Variants in PLCB4 observed in about 807,000 individuals in gnomAD.
PLCB4 encodes 1-phosphatidylinositol 4,5-bisphosphate phosphodiesterase beta-4.
PLCB4 carries 77 observed loss-of-function variants against 178.8 expected under a neutral mutation model. The observed-to-expected ratio is 0.43, with a 90% CI of 0.36 to 0.52. The LOEUF is 0.52. Among genes scored for constraint, PLCB4 ranks in the 20% least tolerant of loss-of-function variants. The pLI is 0.00. For synonymous variants in PLCB4, 496 were observed against 490.8 expected, an observed-to-expected ratio of 1.01 and a Z score of -0.14; for missense variants, 1,024 against 1,453.4, an observed-to-expected ratio of 0.70 and a Z score of 4.80.
chr20:9,177,306 A>G (rs2093171105), intron 2 of PLCB4, among the ~76,000 whole-genome samples: 1 of 152,168 alleles, frequency 6.6e-6, no homozygotes, highest in Admixed American at 6.5e-5. Flanking sequence ...GTGGGAATAA[A>G]CGATGTGGTT....
intron 2 of PLCB4, among the ~76,000 whole-genome samples, chr20:9,209,434 A>T (rs1366197331): frequency 2.6e-5 from 4 of 151,636 alleles, no homozygotes; most frequent in Admixed American, 2.6e-4. Context: ...GACTGTGACT[A>T]TGACGGGATG....
At chr20:9,259,603 G>A (rs1314882195) in intron 3 of PLCB4, among the ~76,000 whole-genome samples, 1 of 151,426 alleles carries the variant, frequency 6.6e-6, no homozygotes, top group Non-Finnish European at 1.5e-5. Context: ...GAGAGAAGGA[G>A]GGAATGGCAT....
intron 2 of PLCB4, among the ~76,000 whole-genome samples, chr20:9,191,172 A>G (rs1422157841): frequency 1.3e-5 from 2 of 152,100 alleles, no homozygotes; most frequent in Non-Finnish European, 2.9e-5. Context: ...TACAGTAGTA[A>G]AATAAATTAC....
chr20:9,340,675 A>G (rs532477369), intron 7 of PLCB4, among the ~76,000 whole-genome samples: 2 of 152,248 alleles, frequency 1.3e-5, no homozygotes, highest in East Asian at 3.9e-4. Context: ...TATGAGCTCA[A>G]GTATTGGGGC....
chr20:9,222,733 A>C (rs750540176), intron 3 of PLCB4, among the ~76,000 whole-genome samples: 1 of 152,318 alleles, frequency 6.6e-6, no homozygotes, highest in East Asian at 1.9e-4. Context: ...AAGACTAGCC[A>C]TATTTCAGTG....
At chr20:9,125,581 A>G (rs1215577273) in intron 2 of PLCB4, among the ~76,000 whole-genome samples, 2 of 152,190 alleles carry the variant, frequency 1.3e-5, no homozygotes, top group African/African-American at 4.8e-5. Flanking sequence ...ATATATGTAT[A>G]TGAATGCACA....
chr20:9,190,075 G>A (rs2093381660), intron 2 of PLCB4, among the ~76,000 whole-genome samples: 1 of 152,176 alleles, frequency 6.6e-6, no homozygotes, highest in Non-Finnish European at 1.5e-5. Context: ...ACCAAAGTAA[G>A]GACTTTGTTA....
intron 3 of PLCB4, among the ~76,000 whole-genome samples, chr20:9,239,383 G>A (rs2094030360): frequency 6.6e-6 from 1 of 152,098 alleles, no homozygotes; most frequent in African/African-American, 2.4e-5. Flanking sequence ...TATCCTGTAG[G>A]GGAGAAAAAG....
chr20:9,089,769 GAAAT>G (rs1306967609), intron 1 of PLCB4, among the ~76,000 whole-genome samples: 2 of 152,148 alleles, frequency 1.3e-5, no homozygotes, highest in East Asian at 1.9e-4. Flanking sequence ...TGTGGAGAAA[GAAAT>G]AAAGTTAGCT....
Position 9,212,489 on chromosome 20 carries a change from G to A in PLCB4, c.-78-4901G>A, listed in dbSNP as rs145485989. Among the ~76,000 whole-genome samples, 306 of 152,292 alleles carry A rather than the reference G, an allele frequency of 2.0e-3. 3 individuals are homozygous for A. Among genetic ancestry groups the A allele is most frequent in the African/African-American group, 7.0e-3 (290 of 41,586 alleles). On this transcript the variant is annotated intron_variant, in intron 2 of 39. Transcript: ENST00000378473. ...ATGGCAATGTCACCTTTAAATATTT[G>A]TAGGTTTCTTCCTCCTCTGAGAAAT...
At chr20:9,363,748 G>A (rs988620906) in intron 8 of PLCB4, among the ~76,000 whole-genome samples, 1 of 152,168 alleles carries the variant, frequency 6.6e-6, no homozygotes, top group Non-Finnish European at 1.5e-5. Context: ...AGGGCCATTG[G>A]CAGGCAGTTG....
At chr20:9,475,779 A>G (rs1391347380) in intron 38 of PLCB4, among the ~76,000 whole-genome samples, 1 of 152,154 alleles carries the variant, frequency 6.6e-6, no homozygotes, top group Non-Finnish European at 1.5e-5. Flanking sequence ...ATGGTACAAC[A>G]CTGTCATGGG....
At chr20:9,217,671 T>C (rs2093748337) in intron 3 of PLCB4, among the ~76,000 whole-genome samples, 1 of 152,258 alleles carries the variant, frequency 6.6e-6, no homozygotes, top group Non-Finnish European at 1.5e-5. Flanking sequence ...TTGGGCACTT[T>C]ACCCTTTGCT....
intron 2 of PLCB4, among the ~76,000 whole-genome samples, chr20:9,107,782 G>A (rs1054521536): frequency 1.3e-5 from 2 of 152,122 alleles, no homozygotes; most frequent in African/African-American, 4.8e-5. Flanking sequence ...ACTCACGTTG[G>A]CTGCTGAGTT....
chr20:9,461,750 A>G (rs1342263645), intron 35 of PLCB4, among the ~76,000 whole-genome samples: 1 of 152,180 alleles, frequency 6.6e-6, no homozygotes, highest in Non-Finnish European at 1.5e-5. Context: ...CAAAGTGGCC[A>G]GGAAGCTCAA....
chr20:9,240,018 T>C (rs1251851665), intron 3 of PLCB4, among the ~76,000 whole-genome samples: 1 of 152,182 alleles, frequency 6.6e-6, no homozygotes, highest in Non-Finnish European at 1.5e-5. Flanking sequence ...CCTGCCCAGA[T>C]TGAGGGTGGG....
chr20:9,174,401 T>C (rs1184553491), intron 2 of PLCB4, among the ~76,000 whole-genome samples: 3 of 151,522 alleles, frequency 2.0e-5, no homozygotes, highest in African/African-American at 7.3e-5. Context: ...TACCTCTACC[T>C]CCCAAAGTGC....
intron 4 of PLCB4, among the ~76,000 whole-genome samples, chr20:9,330,273 T>C (rs1489990328): frequency 6.6e-6 from 1 of 151,434 alleles, no homozygotes; most frequent in East Asian, 1.9e-4. Context: ...TAGTCACGCA[T>C]AATGTGATTT....
At chr20:9,366,412 A>G (rs1056451894) in intron 9 of PLCB4, among the ~76,000 whole-genome samples, 6 of 151,546 alleles carry the variant, frequency 4.0e-5, no homozygotes, top group Non-Finnish European at 7.4e-5. Context: ...AAAAAAAAAA[A>G]AAAAAAGACT....
Sources: allele counts gnomAD v4.1 joint callset (sites outside exome capture counted in the v4.1 genomes callset), GRCh38; gene constraint gnomAD v4.1.1; transcripts MANE v1.5; gene names NCBI Gene and HGNC (gene_info 2026-07-23, HGNC 2026-07-21).